The following PCDH15 variants were observed in gnomAD, a reference collection of about 807,000 sequenced individuals.
PCDH15 encodes the protein protocadherin related 15.
Under a neutral mutation model 178.5 loss-of-function variants are expected in PCDH15, and 129 were observed. That is an observed-to-expected ratio of 0.72 (90% CI 0.63 to 0.84). The LOEUF is 0.84. PCDH15 is among the 40% of genes least tolerant of loss of function. The pLI is 0.00. For synonymous variants in PCDH15, 800 were observed against 732.0 expected (o/e 1.09, Z -1.50); for missense variants, 2,230 against 2,099.9 (o/e 1.06, Z -1.21).
At chr10:54,166,832 C>T (rs900922998) in intron 13 of PCDH15, among the ~76,000 whole-genome samples, 4 of 152,122 alleles carry the variant, frequency 2.6e-5, no homozygotes, top group Admixed American at 2.6e-4. Context: ...GTGTAAATGG[C>T]CAGTCCTTGC....
chr10:55,045,089 T>C (rs1840964779), intron 2 of PCDH15, among the ~76,000 whole-genome samples: 1 of 152,116 alleles, frequency 6.6e-6, no homozygotes, highest in South Asian at 2.1e-4. Flanking sequence ...TTAGATGCAA[T>C]ACCATGCTGC....
intron 19 of PCDH15, among the ~76,000 whole-genome samples, chr10:54,021,394 C>T (rs551541859): frequency 4.3e-4 from 65 of 152,108 alleles, no homozygotes; most frequent in African/African-American, 1.4e-3. Flanking sequence ...CAGAAAGATG[C>T]TATTAAAGCA....
chr10:53,889,324 C>A (rs979633857), intron 26 of PCDH15, among the ~76,000 whole-genome samples: 1 of 151,840 alleles, frequency 6.6e-6, no homozygotes, highest in Non-Finnish European at 1.5e-5. Context: ...GATATGCAAT[C>A]CAGAGTATAT....
Position 55,142,968 on chromosome 10 carries a change from T to G in PCDH15, c.-80+23608A>C, listed in dbSNP as rs887902798. On this transcript the variant is annotated intron_variant, in intron 2 of 5. Coordinates refer to the PCDH15 transcript ENST00000458638. ...ATCCCCACATGACAGAGGAGAGGCCTGGTGGGAGATGATTGGCTTATGGGT... is the reference window on the plus strand; with the variant it reads ...ATCCCCACATGACAGAGGAGAGGCCGGGTGGGAGATGATTGGCTTATGGGT... Among the ~76,000 whole-genome samples, 6 of 152,128 alleles carry G rather than the reference T, an allele frequency of 3.9e-5. No homozygotes were observed. The East Asian group carries it at 1.2e-3, about 29-fold the overall frequency.
chr10:54,716,131 T>C (rs989232683), intron 1 of PCDH15, among the ~76,000 whole-genome samples: 4 of 152,134 alleles, frequency 2.6e-5, no homozygotes, highest in Admixed American at 6.5e-5. Context: ...GTGCATGCCA[T>C]TGGGAAACCT....
Position 55,578,824 on chromosome 10 carries a change from T to G in PCDH15, c.-156+48801A>C, listed in dbSNP as rs1289344545. Among the ~76,000 whole-genome samples the G allele has an allele frequency of 3.3e-5, 5 of 152,110 alleles. No individual in the cohort carries two copies. The East Asian group carries it at 9.6e-4, about 29-fold the overall frequency. On this transcript the variant is annotated intron_variant, in intron 2 of 5. Transcript: ENST00000613346. The stretch of plus-strand genomic sequence containing the variant: ...GATAGTGTGCAGGGGAATTCTCATT[T>G]ATAAAACCATCAGATCTCGTGAGAC...
intron 2 of PCDH15, among the ~76,000 whole-genome samples, chr10:55,102,312 G>C (rs1299907056): frequency 6.6e-6 from 1 of 151,554 alleles, no homozygotes; most frequent in Non-Finnish European, 1.5e-5. Context: ...TAGTTTTATT[G>C]ACTTCTTTCA....
chr10:54,987,068 A>C (rs1839388386), intron 2 of PCDH15, among the ~76,000 whole-genome samples: 1 of 151,318 alleles, frequency 6.6e-6, no homozygotes, highest in Non-Finnish European at 1.5e-5. Context: ...CCCTGTGTCC[A>C]TGTGTTCTCA....
At chr10:54,384,194 C>A (rs1410148756) in intron 3 of PCDH15, among the ~76,000 whole-genome samples, 3 of 151,864 alleles carry the variant, frequency 2.0e-5, no homozygotes, top group African/African-American at 7.3e-5. Flanking sequence ...GCCAAAAAAG[C>A]CCTGCTTGAT....
chr10:54,733,941 A>G (rs1024886737), intron 1 of PCDH15, among the ~76,000 whole-genome samples: 10 of 151,672 alleles, frequency 6.6e-5, no homozygotes, highest in African/African-American at 2.4e-4. Context: ...ATCAAAATCA[A>G]CAGTAAAGGA....
At chr10:55,465,560 G>T (rs1414334519) in intron 2 of PCDH15, among the ~76,000 whole-genome samples, 3 of 152,080 alleles carry the variant, frequency 2.0e-5, no homozygotes, top group Non-Finnish European at 4.4e-5. Context: ...TGCACCCAGA[G>T]ATAAAAACCA....
intron 13 of PCDH15, among the ~76,000 whole-genome samples, chr10:54,164,487 A>T (rs72797087): frequency 0.03 from 4,517 of 152,304 alleles, 87 homozygotes; most frequent in Middle Eastern, 0.082. Flanking sequence ...ACGTGTGTAA[A>T]CTAATATACC....
Position 53,811,542 on chromosome 10 carries a change from G to GATGTACCCATGTACCC in PCDH15, c.4562+6_4562+7insGGGTACATGGGTACAT, listed in dbSNP as rs2075864791. ...AGAATCTGAATTTTAAAAATCTGAAGATGTACCCATGCTCATAACTGTAAT... is the reference window on the plus strand; with the variant it reads ...AGAATCTGAATTTTAAAAATCTGAAGATGTACCCATGTACCCATGTACCCATGCTCATAACTGTAAT... On this transcript the variant is annotated splice_region_variant and intron_variant, in intron 36 of 37. Coordinates refer to ENST00000644397, the MANE Select transcript of PCDH15 (RefSeq NM_001384140.1). 1 of 1,496,216 alleles carries GATGTACCCATGTACCC rather than the reference G, an allele frequency of 6.7e-7. No individual in the cohort carries two copies. Among genetic ancestry groups the GATGTACCCATGTACCC allele is most frequent in the Non-Finnish European group, 9.0e-7 (1 of 1,109,942 alleles). The allele number at this position is 1,496,216 out of a possible 1,614,324, so 92.7% of individuals were successfully genotyped here.
In PCDH15 at chr10:54,253,872, G is replaced by A. The variant is rs188500762; in HGVS notation, c.877-16941C>T. ...TATTTTTAATTTAATAGAACACATGGCCATTTAATACTAGGAAGAAAAAGA... is the reference window on the plus strand; with the variant it reads ...TATTTTTAATTTAATAGAACACATGACCATTTAATACTAGGAAGAAAAAGA... On this transcript the variant is annotated intron_variant, in intron 8 of 37. Transcript: ENST00000644397. Among the ~76,000 whole-genome samples, 228 of 151,882 alleles carry A rather than the reference G, an allele frequency of 1.5e-3. 1 individual carries two copies. Among genetic ancestry groups the A allele is most frequent in the African/African-American group, 5.1e-3 (210 of 41,476 alleles).
chr10:54,846,866 A>G (rs1953527418), intron 3 of PCDH15, among the ~76,000 whole-genome samples: 1 of 152,206 alleles, frequency 6.6e-6, no homozygotes, highest in African/African-American at 2.4e-5. Flanking sequence ...AAACTAAGAG[A>G]TAGCAGAATA....
chr10:54,867,493 C>G (rs551678796), intron 3 of PCDH15, among the ~76,000 whole-genome samples: 1 of 152,130 alleles, frequency 6.6e-6, no homozygotes, highest in Admixed American at 6.6e-5. Context: ...TTGACATTAT[C>G]TAATAGAGAC....
intron 3 of PCDH15, among the ~76,000 whole-genome samples, chr10:54,457,375 T>C (rs956048292): frequency 6.6e-6 from 1 of 152,168 alleles, no homozygotes; most frequent in South Asian, 2.1e-4. Flanking sequence ...AGCCAAAGAC[T>C]TTAACAATGT....
intron 28 of PCDH15, among the ~76,000 whole-genome samples, chr10:53,842,538 A>G (rs1030922863): frequency 6.6e-6 from 1 of 152,160 alleles, no homozygotes; most frequent in African/African-American, 2.4e-5. Context: ...TGAGCATCAC[A>G]TCTGGCCATG....
intron 2 of PCDH15, among the ~76,000 whole-genome samples, chr10:55,607,062 A>G (rs1213674749): frequency 6.6e-6 from 1 of 152,194 alleles, no homozygotes; most frequent in African/African-American, 2.4e-5. Context: ...AAAAAAACAA[A>G]CAACCCTATC....
Sources: allele counts gnomAD v4.1 joint callset (sites outside exome capture counted in the v4.1 genomes callset), GRCh38; gene constraint gnomAD v4.1.1; transcripts MANE v1.5; gene names NCBI Gene and HGNC (gene_info 2026-07-23, HGNC 2026-07-21).